ATIC: variants seen among roughly 807,000 people sequenced by gnomAD.
ATIC encodes the protein bifunctional purine biosynthesis protein ATIC.
Under a neutral mutation model 72.5 loss-of-function variants are expected in ATIC, and 64 were observed. The ratio of observed to expected loss-of-function variants is 0.88; its 90% confidence interval spans 0.72 to 1.09. ATIC has a LOEUF of 1.09. Among genes scored for constraint, ATIC ranks in the 50% least tolerant of loss-of-function variants. The pLI, the probability that ATIC is intolerant of heterozygous loss-of-function variation, is 0.00. For missense variants in ATIC, 787 were observed against 732.4 expected (o/e 1.07, Z -0.86); for synonymous variants, 281 against 267.1 (o/e 1.05, Z -0.51).
chr2:215,325,514 G>C (rs911412882), intron 5 of ATIC, among the ~76,000 whole-genome samples, 185 bp downstream of exon 5: 1 of 150,618 alleles, frequency 6.6e-6, no homozygotes, highest in Non-Finnish European at 1.5e-5. Flanking sequence ...AGCTTTTTTT[G>C]TATGCAGAGA....
chr2:215,332,238 C>A, intron 7 of ATIC, 144 bp from the exon 8 acceptor site: 3 of 1,164,520 alleles, frequency 2.6e-6, no homozygotes, highest in Non-Finnish European at 3.6e-6. Flanking sequence ...TCTTTATCAT[C>A]AAGATTTTAT....
intron 4 of ATIC, among the ~76,000 whole-genome samples, chr2:215,322,276 A>G: frequency 6.6e-6 from 1 of 151,434 alleles, no homozygotes; most frequent in South Asian, 2.1e-4. Context: ...TGTCATGTCT[A>G]AGAAACCATT....
chr2:215,355,109 C>G, the ATIC span, among the ~76,000 whole-genome samples: 3 of 152,078 alleles, frequency 2.0e-5, no homozygotes, highest in East Asian at 3.9e-4. Context: ...AAGTGCCACC[C>G]CTCACATGCA....
intron 2 of ATIC, among the ~76,000 whole-genome samples, chr2:215,315,139 TCTC>T (rs1350220693): frequency 1.3e-5 from 2 of 152,102 alleles, no homozygotes; most frequent in African/African-American, 4.8e-5. Flanking sequence ...CCCCTAAGGA[TCTC>T]CTGACCTACT....
chr2:215,334,793 A>T, intron 9 of ATIC, 126 bp from the exon 10 acceptor site: 1 of 774,580 alleles, frequency 1.3e-6, no homozygotes, highest in Non-Finnish European at 2.2e-6. Context: ...TTGATCTGTT[A>T]AAATCTTATG....
intron 2 of ATIC, 112 bp downstream of exon 2, chr2:215,312,736 G>A: frequency 6.6e-7 from 1 of 1,523,912 alleles, no homozygotes; most frequent in Non-Finnish European, 9.0e-7. Context: ...GTAGCGCTGT[G>A]AGGTTGGTGT....
chr2:215,351,574 T>C (rs1353506917), downstream of ATIC, among the ~76,000 whole-genome samples: 1 of 152,026 alleles, frequency 6.6e-6, no homozygotes, highest in Non-Finnish European at 1.5e-5. Context: ...CATAGCGACA[T>C]CCTCATCTCT....
intron 7 of ATIC, among the ~76,000 whole-genome samples, chr2:215,327,920 C>T (rs936153598): frequency 4.7e-5 from 7 of 149,460 alleles, no homozygotes; most frequent in Non-Finnish European, 1.0e-4. Context: ...ATTAAGACAA[C>T]GGAGTCTCGC....
intron 7 of ATIC, among the ~76,000 whole-genome samples, chr2:215,329,913 C>T (rs1301283561): frequency 2.3e-5 from 2 of 85,500 alleles, no homozygotes; most frequent in East Asian, 7.4e-4. Flanking sequence ...AGGCATGTAC[C>T]ACCAGGCCCA....
intron 7 of ATIC, 49 bp from the exon 8 acceptor site, chr2:215,332,333 G>T (rs760321837): frequency 3.1e-6 from 5 of 1,612,442 alleles, no homozygotes; most frequent in South Asian, 1.1e-5. Flanking sequence ...GCATACATCT[G>T]ACCTTACTGA....
At chr2:215,324,124 T>G (rs2052797781) in intron 4 of ATIC, among the ~76,000 whole-genome samples, 1 of 152,154 alleles carries the variant, frequency 6.6e-6, no homozygotes, top group Admixed American at 6.5e-5. Context: ...CTCGAACTTC[T>G]GACCTCAGGT....
At chr2:215,333,913 G>C (rs1391484991) in intron 9 of ATIC, among the ~76,000 whole-genome samples, 1 of 151,654 alleles carries the variant, frequency 6.6e-6, no homozygotes, top group Non-Finnish European at 1.5e-5. Flanking sequence ...GTGGTGGGGG[G>C]TACCTGTAGT....
intron 1 of ATIC, 133 bp downstream of exon 1, chr2:215,312,294 C>A: frequency 6.9e-7 from 1 of 1,441,748 alleles, no homozygotes; most frequent in Non-Finnish European, 9.2e-7. Context: ...TCCCCGCTCC[C>A]CGGCCGGGCC....
At chr2:215,333,822 C>G (rs983612846) in intron 9 of ATIC, among the ~76,000 whole-genome samples, 1 of 151,952 alleles carries the variant, frequency 6.6e-6, no homozygotes, top group Admixed American at 6.6e-5. Context: ...GCGGGCAGAT[C>G]ACGAGGTCAG....
At chr2:215,344,934 C>G in intron 13 of ATIC, 63 bp downstream of exon 13, 1 of 1,495,230 alleles carries the variant, frequency 6.7e-7, no homozygotes. Context: ...ATTTAAACAT[C>G]CGTCTGCCTT....
In ATIC at chr2:215,318,240, G is replaced by T; in HGVS notation, c.223+7G>T. ...CATCCTGCAGTCCATGCTGGTAAGT[G>T]GTTGGTATCTTTAATGTAAAAACAG... On this transcript the variant is annotated splice_region_variant and intron_variant, in intron 3 of 15. Coordinates refer to ENST00000236959, the MANE Select transcript of ATIC (RefSeq NM_004044.7). 6.2e-7 allele frequency: 1 copy of T among 1,611,526 alleles called. No individual in the cohort carries two copies. The highest frequency in any genetic ancestry group is 2.2e-5 in the East Asian group (1 of 44,852).
intron 14 of ATIC, chr2:215,348,646 T>C (rs1211972861): frequency 2.3e-6 from 1 of 430,114 alleles, no homozygotes; most frequent in African/African-American, 2.1e-5. Context: ...AACTTCCATG[T>C]AAATAATGGT....
intron 7 of ATIC, among the ~76,000 whole-genome samples, chr2:215,331,242 G>T (rs1042066536): frequency 6.6e-6 from 1 of 151,714 alleles, no homozygotes; most frequent in African/African-American, 2.4e-5. Context: ...TTGCAGGGAC[G>T]GTTTTTTTCA....
rs776170616 is a variant in ATIC, at chr2:215,312,450, A to G, written c.20-48A>G. The G allele has an allele frequency of 3.7e-6, 6 of 1,614,116 alleles. No individual in the cohort carries two copies. The Admixed American group carries it at 8.3e-5, about 22-fold the overall frequency. The stretch of plus-strand genomic sequence containing the variant: ...AGACCCTCCCAAGGCCTTGCAGAAC[A>G]CAGTGCAATGTGCTGCGAATCATGA... On this transcript the variant is annotated intron_variant, in intron 1 of 15. Transcript: ENST00000236959.
Sources: allele counts gnomAD v4.1 joint callset (sites outside exome capture counted in the v4.1 genomes callset), GRCh38; gene constraint gnomAD v4.1.1; transcripts MANE v1.5; gene names NCBI Gene and HGNC (gene_info 2026-07-23, HGNC 2026-07-21).